The following RASSF6 variants were observed in gnomAD, a reference collection of about 807,000 sequenced individuals.
RASSF6 encodes the protein ras association domain-containing protein 6.
A neutral mutation model predicts 44.0 loss-of-function variants in RASSF6; 52 were observed. That is an observed-to-expected ratio of 1.18 (90% CI 0.95 to 1.49). The LOEUF (loss-of-function observed/expected upper bound fraction) is 1.49. RASSF6 is among the 40% of genes most tolerant of loss of function. The pLI is 0.00. For missense variants in RASSF6, 464 were observed against 393.3 expected (o/e 1.18, Z -1.52); for synonymous variants, 162 against 124.6 (o/e 1.30, Z -2.00).
At position 73,615,897 on chromosome 4, in the gene RASSF6, C is replaced by T. The variant is rs974742774; in HGVS notation, c.-34-4068G>A. On this transcript the variant is annotated intron_variant, in intron 1 of 10. Coordinates refer to ENST00000307439, the MANE Select transcript of RASSF6 (RefSeq NM_177532.5). ...TGGGCTTGCCTGGACTTACCAGTTG[C>T]CTTGTGACCAGAATGAGGCCAGAGG... is the stretch of plus-strand genomic sequence containing the variant. 1.9e-6 allele frequency: 3 copies of T among 1,550,238 alleles called. No individual in the cohort carries two copies. The African/African-American group carries it at 4.1e-5, about 21-fold the overall frequency.
At chr4:73,594,938 T>A (rs1459860638) in intron 3 of RASSF6, among the ~76,000 whole-genome samples, 1 of 152,228 alleles carries the variant, frequency 6.6e-6, no homozygotes, top group Non-Finnish European at 1.5e-5. Context: ...TTTAAAATGG[T>A]GTCTGGTACA....
chr4:73,582,123 G>A (rs1723701014), intron 7 of RASSF6, 66 bp downstream of exon 7: 1 of 792,030 alleles, frequency 1.3e-6, no homozygotes, highest in African/African-American at 1.8e-5. Flanking sequence ...CAGAAGAGTG[G>A]ATTTGTGTGT....
chr4:73,595,345 C>A (rs959691341), intron 3 of RASSF6, among the ~76,000 whole-genome samples: 1 of 152,104 alleles, frequency 6.6e-6, no homozygotes, highest in Admixed American at 6.5e-5. Context: ...AGGCATGCAC[C>A]ACCATGCCTG....
intron 1 of RASSF6, chr4:73,615,948 T>G: frequency 1.3e-6 from 2 of 1,548,708 alleles, no homozygotes; most frequent in Non-Finnish European, 1.7e-6. Context: ...TAGTACAAAT[T>G]AAATCAAATG....
chr4:73,601,913 T>C (rs1725301415), intron 2 of RASSF6, among the ~76,000 whole-genome samples: 1 of 152,200 alleles, frequency 6.6e-6, no homozygotes, highest in Non-Finnish European at 1.5e-5. Flanking sequence ...ATGATACAGT[T>C]GCTGTGTGAG....
intron 2 of RASSF6, among the ~76,000 whole-genome samples, chr4:73,605,908 A>G (rs1725592276): frequency 6.6e-6 from 1 of 152,090 alleles, no homozygotes; most frequent in Non-Finnish European, 1.5e-5. Flanking sequence ...GGCTGCTTGT[A>G]TGTCTTCTTT....
intron 8 of RASSF6, among the ~76,000 whole-genome samples, chr4:73,580,962 G>A (rs1723593691): frequency 6.6e-6 from 1 of 151,032 alleles, no homozygotes; most frequent in African/African-American, 2.4e-5. Flanking sequence ...CCTATGTCCT[G>A]AATGGTAATG....
chr4:73,620,154 G>A, intron 1 of RASSF6, 134 bp downstream of exon 1: 1 of 448,272 alleles, frequency 2.2e-6, no homozygotes. Flanking sequence ...GAAAAGGCAT[G>A]TGTGCGATTC....
chr4:73,589,149 A>G (rs923621804), intron 4 of RASSF6, among the ~76,000 whole-genome samples: 1 of 152,156 alleles, frequency 6.6e-6, no homozygotes, highest in African/African-American at 2.4e-5. Context: ...TATGATGTAG[A>G]GAAGGTAATC....
At chr4:73,615,870 G>A in intron 1 of RASSF6, 2 of 1,548,270 alleles carry the variant, frequency 1.3e-6, no homozygotes, top group Non-Finnish European at 1.7e-6. Flanking sequence ...CCTGCCTAGA[G>A]GTGGGCTTGC....
chr4:73,591,104 T>C (rs576508588), intron 4 of RASSF6, among the ~76,000 whole-genome samples: 19 of 152,344 alleles, frequency 1.2e-4, no homozygotes, highest in African/African-American at 4.1e-4. Context: ...ATATATTGCA[T>C]ACTTCAAAAG....
At chr4:73,599,365 T>C (rs1283616613) in intron 2 of RASSF6, among the ~76,000 whole-genome samples, 1 of 152,170 alleles carries the variant, frequency 6.6e-6, no homozygotes, top group Non-Finnish European at 1.5e-5. Flanking sequence ...CAGCTGACAA[T>C]GGCCGACTTT....
intron 4 of RASSF6, among the ~76,000 whole-genome samples, chr4:73,591,930 A>G (rs1724589089): frequency 6.6e-6 from 1 of 151,868 alleles, no homozygotes; most frequent in Admixed American, 6.6e-5. Flanking sequence ...ATAGACAAGG[A>G]GATAAGTATA....
chr4:73,603,850 A>AT (rs774050108), intron 2 of RASSF6, among the ~76,000 whole-genome samples: 93 of 152,262 alleles, frequency 6.1e-4, no homozygotes, highest in Non-Finnish European at 1.2e-3. Context: ...GTACTAAGAG[A>AT]TTTTTTTCCT....
At chr4:73,602,405 T>C (rs1361939795) in intron 2 of RASSF6, among the ~76,000 whole-genome samples, 1 of 152,220 alleles carries the variant, frequency 6.6e-6, no homozygotes, top group Admixed American at 6.5e-5. Flanking sequence ...AAATGTGCCA[T>C]GTCTATAGAA....
In RASSF6 at chr4:73,571,630, T is replaced by C. The variant is rs1722926935; in HGVS notation, c.*4605A>G. ...TAATACATACATATGGGGAATTTTA[T>C]AAAAATATTTCAGATAATTCCTTCA... On this transcript the variant is annotated 3_prime_UTR_variant, in exon 11 of 11. Coordinates refer to ENST00000307439, the MANE Select transcript of RASSF6 (RefSeq NM_177532.5). 6.6e-6 allele frequency: 1 copy of C among 152,108 alleles called. No homozygotes were observed. Among genetic ancestry groups the C allele is most frequent in the Non-Finnish European group, 1.5e-5 (1 of 68,006 alleles). 9.4% of individuals were successfully genotyped at this position (152,108 alleles called of 1,614,324 possible).
chr4:73,597,859 G>A (rs1725036359), intron 3 of RASSF6, among the ~76,000 whole-genome samples: 1 of 152,154 alleles, frequency 6.6e-6, no homozygotes, highest in African/African-American at 2.4e-5. Flanking sequence ...GCAAACTGAT[G>A]CAGGTATAGA....
chr4:73,576,365 A>T, intron 10 of RASSF6, 45 bp downstream of exon 10: 3 of 1,467,744 alleles, frequency 2.0e-6, no homozygotes, highest in South Asian at 1.2e-5. Context: ...TGTGCATTGG[A>T]CATATTAAAG....
intron 4 of RASSF6, 106 bp from the exon 5 acceptor site, chr4:73,588,040 G>A: frequency 1.6e-6 from 1 of 622,080 alleles, no homozygotes; most frequent in Non-Finnish European, 2.8e-6. Flanking sequence ...GGCCTCTGTA[G>A]GTGGATATAT....
Sources: gnomAD v4.1 joint callset for allele counts (sites outside exome capture counted in the v4.1 genomes callset) on GRCh38, gnomAD v4.1.1 for gene constraint, MANE v1.5 for transcripts, NCBI Gene and HGNC (gene_info 2026-07-23, HGNC 2026-07-21) for gene names.